Variants in PREX1 observed in about 807,000 individuals in gnomAD.
PREX1 encodes the protein phosphatidylinositol 3,4,5-trisphosphate-dependent Rac exchanger 1 protein.
A neutral mutation model predicts 198.3 loss-of-function variants in PREX1; 41 were observed. The observed-to-expected ratio is 0.21, with a 90% CI of 0.16 to 0.27. The LOEUF (loss-of-function observed/expected upper bound fraction) is 0.27. Ranked by LOEUF, PREX1 falls within the 10% of genes least tolerant of loss-of-function variation. PREX1 has a pLI of 1.00. For missense variants in PREX1, 1,620 were observed against 2,200.7 expected, an observed-to-expected ratio of 0.74 and a Z score of 5.28; for synonymous variants, 843 against 887.2, an observed-to-expected ratio of 0.95 and a Z score of 0.89.
the PREX1 span, among the ~76,000 whole-genome samples, chr20:48,853,527 T>A: frequency 6.6e-6 from 1 of 152,162 alleles, no homozygotes; most frequent in Non-Finnish European, 1.5e-5. Flanking sequence ...CATGATTCAA[T>A]TACCTCCACC....
At chr20:48,694,601 G>C (rs1262511232) in intron 7 of PREX1, among the ~76,000 whole-genome samples, 2 of 152,336 alleles carry the variant, frequency 1.3e-5, no homozygotes, top group East Asian at 3.9e-4. Flanking sequence ...GTGTGCACAG[G>C]CCTCTGCTCC....
At chr20:48,663,300 C>A (rs1218322428) in intron 15 of PREX1, among the ~76,000 whole-genome samples, 1 of 152,222 alleles carries the variant, frequency 6.6e-6, no homozygotes, top group East Asian at 1.9e-4. Context: ...AAAGGCCTCT[C>A]AGGTCTCCAG....
At chr20:48,817,253 C>T (rs960955054) in intron 1 of PREX1, among the ~76,000 whole-genome samples, 33 of 152,188 alleles carry the variant, frequency 2.2e-4, no homozygotes, top group African/African-American at 8.0e-4. Flanking sequence ...TTACAGCCAT[C>T]CCAGTTACTC....
rs770124317 is a variant in PREX1, at chr20:48,650,050, A to C, written c.2974T>G (p.Phe992Val). 1.9e-6 allele frequency: 3 copies of C among 1,614,104 alleles called. No individual in the cohort carries two copies. The highest frequency in any genetic ancestry group is 2.5e-6 in the Non-Finnish European group (3 of 1,180,046). The part of the protein sequence containing the change: ...PKTTPSVGRS[F>V]SIRFGRKPSL... The stretch of plus-strand genomic sequence containing the variant: ...GGTTTGCGTCCAAAGCGGATGCTGA[A>C]GGACCTGCCCACTGAGGGGGTGGTC... The change falls in exon 24 of 40, where the codon TTC becomes GTC. Residue 992 changes from phenylalanine (F) to valine (V), a missense_variant. Physicochemically the swap from Phe to Val is conservative, Grantham distance 50 (BLOSUM62 -1). Around this residue, in one of 7 missense-constraint regions of PREX1, gnomAD observed 514 missense variants for 611.6 expected, o/e 0.84. Coordinates refer to ENST00000371941, the MANE Select transcript of PREX1 (RefSeq NM_020820.4).
At chr20:48,737,083 T>G (rs1369149856) in intron 3 of PREX1, among the ~76,000 whole-genome samples, 1 of 151,682 alleles carries the variant, frequency 6.6e-6, no homozygotes, top group Non-Finnish European at 1.5e-5. Context: ...ATAGTAAGTG[T>G]TCACTAAATA....
At chr20:48,627,717 A>T (rs937823447) in intron 38 of PREX1, 102 bp from the exon 39 acceptor site, 1 of 1,444,922 alleles carries the variant, frequency 6.9e-7, no homozygotes, top group Non-Finnish European at 9.7e-7. Context: ...AGGACCCAGA[A>T]GCTAAGATCC....
chr20:48,643,956 C>G (rs976335359), intron 27 of PREX1, among the ~76,000 whole-genome samples: 6 of 152,232 alleles, frequency 3.9e-5, no homozygotes, highest in African/African-American at 1.4e-4. Context: ...GGATTACAGG[C>G]GTGAGCCACC....
At chr20:48,792,128 C>T (rs2090341531) in intron 1 of PREX1, among the ~76,000 whole-genome samples, 1 of 152,168 alleles carries the variant, frequency 6.6e-6, no homozygotes, top group African/African-American at 2.4e-5. Context: ...TGTTAAATAG[C>T]ACTGCTGTCT....
At chr20:48,679,602 G>T in intron 12 of PREX1, 49 bp downstream of exon 12, 1 of 1,528,278 alleles carries the variant, frequency 6.5e-7, no homozygotes, top group Non-Finnish European at 9.1e-7. Context: ...CCAGGGTGGA[G>T]GTGAACGAGG....
rs1485512418 is a variant in PREX1 at position 48,827,743 on chromosome 20, C to A, written c.118G>T (p.Ala40Ser). Residue 40 changes from alanine (A) to serine (S), a missense_variant, in exon 1 of 40, where the codon GCC (alanine) becomes TCC (serine). Physicochemically the swap from Ala to Ser is moderately conservative, Grantham distance 99. Around this residue, in one of 7 missense-constraint regions of PREX1, gnomAD observed 96 missense variants for 98.7 expected, o/e 0.97. Transcript: ENST00000371941. This position sits in a 1 kb window ranked among gnomAD's most constrained non-coding sequence, Gnocchi z 4.1. ...PSSGPGPCAA[A>S]RESERQLRLR... ...CGCAGCTGGCGCTCGGACTCCCGGG[C>A]GGCCGCGCACGGGCCGGGGCCGGAG... 17 of 1,294,170 alleles carry A rather than the reference C, an allele frequency of 1.3e-5. No individual in the cohort carries two copies. Among genetic ancestry groups the A allele is most frequent in the Non-Finnish European group, 1.3e-5 (13 of 1,006,018 alleles). 80.2% of individuals were successfully genotyped at this position (1,294,170 alleles called of 1,614,324 possible). A position where few individuals can be genotyped will look rare whatever the true frequency, so the allele number is the denominator to read the frequency against.
the PREX1 span, among the ~76,000 whole-genome samples, chr20:48,873,554 C>CAAAAAA: frequency 1.4e-5 from 1 of 70,094 alleles, no homozygotes; most frequent in Non-Finnish European, 2.8e-5. Context: ...AGTAAAAATA[C>CAAAAAA]AAAAAAAAAA....
chr20:48,875,787 C>G, the PREX1 span, among the ~76,000 whole-genome samples: 1 of 151,984 alleles, frequency 6.6e-6, no homozygotes, highest in Admixed American at 6.6e-5. Flanking sequence ...GTGAGCCGAA[C>G]AAATAGGACA....
the PREX1 span, among the ~76,000 whole-genome samples, chr20:48,848,806 G>A: frequency 3.3e-5 from 5 of 152,058 alleles, no homozygotes; most frequent in African/African-American, 4.8e-5. Context: ...GCGGGATCTC[G>A]GCTCACTGCA....
At chr20:48,640,899 G>GTGGA (rs2089404977) in intron 29 of PREX1, among the ~76,000 whole-genome samples, 1 of 121,052 alleles carries the variant, frequency 8.3e-6, no homozygotes, top group Non-Finnish European at 1.7e-5. Flanking sequence ...GGGTGGGTGG[G>GTGGA]TGGATGGATA....
intron 1 of PREX1, among the ~76,000 whole-genome samples, chr20:48,758,424 C>T (rs1043864460): frequency 2.0e-5 from 3 of 152,084 alleles, no homozygotes; most frequent in Non-Finnish European, 2.9e-5. Context: ...GTTGAGGTGT[C>T]GCAATGCAGC....
chr20:48,748,217 G>A (rs73256493), intron 1 of PREX1, among the ~76,000 whole-genome samples: 2,253 of 152,118 alleles, frequency 0.015, 56 homozygotes, highest in African/African-American at 0.051. Context: ...ACCCAGGGGC[G>A]CCTCTCAGAC....
intron 1 of PREX1, among the ~76,000 whole-genome samples, chr20:48,791,827 A>G (rs2090340161): frequency 6.6e-6 from 1 of 152,244 alleles, no homozygotes; most frequent in Non-Finnish European, 1.5e-5. Flanking sequence ...TTGAGTTGCC[A>G]ACTTTTAAAA....
At chr20:48,810,039 T>TAG (rs1473593216) in intron 1 of PREX1, among the ~76,000 whole-genome samples, 1 of 152,162 alleles carries the variant, frequency 6.6e-6, no homozygotes, top group Non-Finnish European at 1.5e-5. Context: ...AAAACCCCTA[T>TAG]AGGAGCTGGG....
intron 1 of PREX1, among the ~76,000 whole-genome samples, chr20:48,820,109 C>A (rs34326966): frequency 0.28 from 42,134 of 152,168 alleles, 6,175 homozygotes; most frequent in Non-Finnish European, 0.33. Context: ...AGGAATCAGG[C>A]GGGTAAACAC....
Sources: gnomAD v4.1 joint callset for allele counts (sites outside exome capture counted in the v4.1 genomes callset) on GRCh38, gnomAD v4.1.1 for gene constraint, gnomAD v4.1.1 regional missense constraint, Gnocchi (gnomAD v3.1) non-coding constraint, MANE v1.5 for transcripts, NCBI Gene and HGNC (gene_info 2026-07-23, HGNC 2026-07-21) for gene names.